The following CACNA1C variants were observed in gnomAD, a reference collection of about 807,000 sequenced individuals.
CACNA1C encodes calcium voltage-gated channel subunit alpha1 C.
Under a neutral mutation model 229.0 loss-of-function variants are expected in CACNA1C, and 30 were observed. That is an observed-to-expected ratio of 0.13 (90% CI 0.10 to 0.18). The LOEUF is 0.18. CACNA1C is among the 10% of genes least tolerant of loss of function. The pLI is 1.00. For missense variants in CACNA1C, 1,658 were observed against 2,845.0 expected (o/e 0.58, Z 9.49); for synonymous variants, 1,114 against 1,132.5 (o/e 0.98, Z 0.33).
intron 1 of CACNA1C, among the ~76,000 whole-genome samples, chr12:1,978,856 A>C (rs537437409): frequency 1.3e-5 from 2 of 152,348 alleles, no homozygotes; most frequent in African/African-American, 4.8e-5. Context: ...ATGTTGTTGA[A>C]TATATCAGTA....
chr12:2,603,410 C>T (rs549170774), intron 22 of CACNA1C: 3 of 152,240 alleles, frequency 2.0e-5, no homozygotes, highest in East Asian at 1.9e-4. Context: ...CCACACAAAG[C>T]ATGAAATCAG....
intron 3 of CACNA1C, among the ~76,000 whole-genome samples, chr12:2,282,919 TC>T (rs1032771966): frequency 6.6e-6 from 1 of 152,192 alleles, no homozygotes; most frequent in African/African-American, 2.4e-5. Context: ...CAAGCTGATT[TC>T]CTTATGGTTG....
chr12:2,592,999 A>G (rs950429046), intron 18 of CACNA1C, among the ~76,000 whole-genome samples: 2 of 152,130 alleles, frequency 1.3e-5, no homozygotes, highest in Non-Finnish European at 2.9e-5. Flanking sequence ...TGGTCGCCCT[A>G]CTTACAATCC....
At chr12:2,339,741 T>G (rs1350164381) in intron 3 of CACNA1C, among the ~76,000 whole-genome samples, 1 of 152,230 alleles carries the variant, frequency 6.6e-6, no homozygotes, top group Non-Finnish European at 1.5e-5. Flanking sequence ...TTCAGCCTCA[T>G]TATAACCTTA....
chr12:2,022,216 C>T (rs2154488215), intron 1 of CACNA1C, among the ~76,000 whole-genome samples: 1 of 152,274 alleles, frequency 6.6e-6, no homozygotes, highest in South Asian at 2.1e-4. Flanking sequence ...ATGGAATGGC[C>T]TCCTGTCCAG....
chr12:2,517,572 G>C (rs2099799858), intron 9 of CACNA1C, among the ~76,000 whole-genome samples: 1 of 152,216 alleles, frequency 6.6e-6, no homozygotes, highest in Non-Finnish European at 1.5e-5. Flanking sequence ...TCCTAAGTGG[G>C]GCAGCCAAGA....
intron 3 of CACNA1C, among the ~76,000 whole-genome samples, chr12:2,159,515 T>A (rs553867287): frequency 1.3e-5 from 2 of 151,366 alleles, no homozygotes; most frequent in Middle Eastern, 3.4e-3. Context: ...ATAAATAAAT[T>A]AAATGTATGC....
intron 1 of CACNA1C, among the ~76,000 whole-genome samples, chr12:2,062,065 T>A (rs114209847): frequency 6.6e-5 from 10 of 152,314 alleles, no homozygotes; most frequent in African/African-American, 2.2e-4. Flanking sequence ...TGGGAAACTT[T>A]CGCACTTTCG....
intron 3 of CACNA1C, among the ~76,000 whole-genome samples, chr12:2,225,518 T>G (rs887098313): frequency 2.0e-5 from 3 of 152,150 alleles, no homozygotes; most frequent in African/African-American, 4.8e-5. Context: ...GAACCTGGTT[T>G]TATGTAAATG....
intron 1 of CACNA1C, among the ~76,000 whole-genome samples, chr12:1,985,898 C>A (rs931014859): frequency 1.8e-4 from 28 of 152,280 alleles, no homozygotes; most frequent in African/African-American, 6.5e-4. Context: ...GCAAGCTCCA[C>A]CTCCTGGGTT....
At chr12:2,392,155 A>G (rs1033188077) in intron 3 of CACNA1C, among the ~76,000 whole-genome samples, 1 of 152,226 alleles carries the variant, frequency 6.6e-6, no homozygotes, top group African/African-American at 2.4e-5. Context: ...ACAATTTTCA[A>G]GTCAGCATTT....
Position 2,605,280 on chromosome 12 carries a change from A to G in CACNA1C, c.3048+112A>G. On this transcript the variant is annotated intron_variant, in intron 23 of 46. Coordinates refer to ENST00000399655, the MANE Select transcript of CACNA1C (RefSeq NM_000719.7). The surrounding 1 kb of genome is among the most constrained non-coding windows in gnomAD (Gnocchi z 6.2). ...ATGATGGTCAGACCAAGTGGCTGCC[A>G]TGTGGGGTCCCGGACACTGGTCCCA... 1 of 722,640 alleles carries G rather than the reference A, an allele frequency of 1.4e-6. No homozygotes were observed. Among genetic ancestry groups the G allele is most frequent in the Non-Finnish European group, 2.4e-6 (1 of 409,220 alleles). The allele number at this position is 722,640 out of a possible 1,614,324, so 44.8% of individuals were successfully genotyped here.
At chr12:2,661,126 G>T (rs2095694860) in intron 34 of CACNA1C, among the ~76,000 whole-genome samples, 1 of 152,136 alleles carries the variant, frequency 6.6e-6, no homozygotes, top group African/African-American at 2.4e-5. Context: ...GCCAGGTGTG[G>T]TGCCATGTGC....
At chr12:2,184,316 A>C (rs974293919) in intron 3 of CACNA1C, among the ~76,000 whole-genome samples, 1 of 152,200 alleles carries the variant, frequency 6.6e-6, no homozygotes, top group Non-Finnish European at 1.5e-5. Context: ...AGGATGCTCC[A>C]TGGACTGTAG....
intron 4 of CACNA1C, among the ~76,000 whole-genome samples, chr12:2,456,656 G>A (rs2099427486): frequency 6.6e-6 from 1 of 152,176 alleles, no homozygotes; most frequent in Non-Finnish European, 1.5e-5. Flanking sequence ...ACTTCCCATA[G>A]GCCTCTGCTC....
At chr12:2,406,883 A>G (rs1800763545) in intron 3 of CACNA1C, among the ~76,000 whole-genome samples, 1 of 152,246 alleles carries the variant, frequency 6.6e-6, no homozygotes, top group Non-Finnish European at 1.5e-5. Context: ...TCCGGATGTT[A>G]TCTGAAGCCT....
Position 2,649,553 on chromosome 12 carries a change from T to C in CACNA1C, c.3945+1046T>C, listed in dbSNP as rs216039. On this transcript the variant is annotated intron_variant, in intron 31 of 46. Transcript: ENST00000399655. The surrounding 1 kb of genome is among the most constrained non-coding windows in gnomAD (Gnocchi z 4.4). ...TGTTATTTGGTTTATTAGAGCAAAT[T>C]GGTGCATCCGAATGGCAGTGAGTTT... 0.33 allele frequency among the ~76,000 whole-genome samples: 50,406 copies of C among 152,100 alleles called. 11,147 individuals are homozygous for C. Among genetic ancestry groups the C allele is most frequent in the African/African-American group, 0.64 (26,517 of 41,428 alleles).
chr12:2,472,554 C>T (rs1181182319), intron 5 of CACNA1C, among the ~76,000 whole-genome samples: 1 of 151,824 alleles, frequency 6.6e-6, no homozygotes, highest in Non-Finnish European at 1.5e-5. Context: ...TTCTTCCATC[C>T]TTTAAATATA....
At chr12:2,669,116 T>C in intron 38 of CACNA1C, 81 bp downstream of exon 38, 1 of 989,354 alleles carries the variant, frequency 1.0e-6, no homozygotes, top group Non-Finnish European at 1.6e-6. Context: ...GCCTGCAAAG[T>C]GCTCAAGGGA....
Sources: gnomAD v4.1 joint callset for allele counts (sites outside exome capture counted in the v4.1 genomes callset) on GRCh38, gnomAD v4.1.1 for gene constraint, Gnocchi (gnomAD v3.1) non-coding constraint, MANE v1.5 for transcripts, NCBI Gene and HGNC (gene_info 2026-07-23, HGNC 2026-07-21) for gene names.